KCNQ1: variants seen among roughly 807,000 people sequenced by gnomAD.
KCNQ1 encodes the protein potassium voltage-gated channel subfamily Q member 1.
KCNQ1 carries 49 observed loss-of-function variants against 72.4 expected under a neutral mutation model. The observed-to-expected ratio is 0.68, with a 90% confidence interval of 0.54 to 0.86. The LOEUF is 0.86. KCNQ1 is among the 40% of genes least tolerant of loss of function. The probability of loss-of-function intolerance (pLI) is 0.00; values close to 1 mark genes in which losing one functional copy is unlikely to be tolerated. For missense variants in KCNQ1, 790 were observed against 945.1 expected, an observed-to-expected ratio of 0.84 and a Z score of 2.15; for synonymous variants, 450 against 412.6, an observed-to-expected ratio of 1.09 and a Z score of -1.10.
rs12577654 is a variant in KCNQ1, at chr11:2,662,099, C to T, written c.1514+18C>T. ...ATCTCACAGTGAGTGCCTACATGTGCGTGAAGGGCTGGGCTGGAGGGGACT... is the reference window on the plus strand; with the variant it reads ...ATCTCACAGTGAGTGCCTACATGTGTGTGAAGGGCTGGGCTGGAGGGGACT... On this transcript the variant is annotated intron_variant, in intron 11 of 15. Coordinates refer to ENST00000155840, the MANE Select transcript of KCNQ1 (RefSeq NM_000218.3). 4.6e-3 allele frequency: 7,347 copies of T among 1,614,068 alleles called. 179 individuals carry two copies. The highest frequency in any genetic ancestry group is 0.045 in the South Asian group (4,082 of 91,082).
chr11:2,607,437 TGGGAAGTGGTTAGGTCATGA>T (rs1449208376), intron 10 of KCNQ1, among the ~76,000 whole-genome samples: 1 of 152,200 alleles, frequency 6.6e-6, no homozygotes, highest in Non-Finnish European at 1.5e-5. Context: ...GTGAGGCCTT[TGGGAAGTGGTTAGGTCATGA>T]GGGTGGAGAC....
chr11:2,800,330 G>C (rs575827981), intron 15 of KCNQ1, among the ~76,000 whole-genome samples: 2 of 152,354 alleles, frequency 1.3e-5, no homozygotes, highest in African/African-American at 4.8e-5. Context: ...GCTTCCTACT[G>C]GGCAGAGGCT....
intron 10 of KCNQ1, chr11:2,618,060 T>C: frequency 2.5e-6 from 1 of 398,594 alleles, no homozygotes; most frequent in Non-Finnish European, 4.4e-6. Context: ...TTATTTGTTT[T>C]TGTAGCCTGA....
chr11:2,574,038 A>G (rs1178898442), intron 6 of KCNQ1, among the ~76,000 whole-genome samples: 2 of 152,150 alleles, frequency 1.3e-5, no homozygotes, highest in African/African-American at 4.8e-5. Context: ...CTCCAGTGAA[A>G]GTCGGCGTTT....
intron 15 of KCNQ1, among the ~76,000 whole-genome samples, chr11:2,797,980 G>T (rs1847172848): frequency 6.6e-6 from 1 of 152,178 alleles, no homozygotes; most frequent in Non-Finnish European, 1.5e-5. Context: ...GGCAGATGCA[G>T]CCCCTTTCCA....
intron 10 of KCNQ1, chr11:2,619,635 T>C (rs992621221): frequency 1.3e-5 from 5 of 398,478 alleles, no homozygotes; most frequent in African/African-American, 2.1e-5. Flanking sequence ...CCTTTTCTTG[T>C]GATGCCTTTG....
At position 2,752,705 on chromosome 11, in the gene KCNQ1, C is replaced by G. The variant is rs1208236618; in HGVS notation, c.1515-16139C>G. Among the ~76,000 whole-genome samples, 1 of 152,196 alleles carries G rather than the reference C, an allele frequency of 6.6e-6. No individual in the cohort carries two copies. The highest frequency in any genetic ancestry group is 2.4e-5 in the African/African-American group (1 of 41,460). ...CTCTGCCCTCACGGCCGAATCACCT[C>G]TCAAATGCGCCATCTCCTAACACCA... is the stretch of plus-strand genomic sequence containing the variant. On this transcript the variant is annotated intron_variant, in intron 11 of 15. Coordinates refer to ENST00000155840, the MANE Select transcript of KCNQ1 (RefSeq NM_000218.3). This position sits in a 1 kb window ranked among gnomAD's most constrained non-coding sequence, Gnocchi z 5.2.
chr11:2,706,815 G>A (rs745410680), intron 11 of KCNQ1, among the ~76,000 whole-genome samples: 2 of 152,182 alleles, frequency 1.3e-5, no homozygotes, highest in African/African-American at 2.4e-5. Flanking sequence ...TAGGCTCCTC[G>A]TGAGAACCAC....
Position 2,724,937 on chromosome 11 carries a change from G to C in KCNQ1, c.1515-43907G>C, listed in dbSNP as rs909041213. On this transcript the variant is annotated intron_variant, in intron 11 of 15. Coordinates refer to ENST00000155840, the MANE Select transcript of KCNQ1 (RefSeq NM_000218.3). This position sits in a 1 kb window ranked among gnomAD's most constrained non-coding sequence, Gnocchi z 6.8. ...ATGACTGATCCAGTAACCTGGACAG[G>C]GTGCCGAGGGCAGGGTCTGGTGTGG... Among the ~76,000 whole-genome samples, 1 of 152,208 alleles carries C rather than the reference G, an allele frequency of 6.6e-6. No homozygotes were observed. Among genetic ancestry groups the C allele is most frequent in the Non-Finnish European group, 1.5e-5 (1 of 68,030 alleles).
chr11:2,694,057 G>A (rs911856982), intron 11 of KCNQ1: 17 of 398,538 alleles, frequency 4.3e-5, no homozygotes, highest in East Asian at 3.9e-4. Context: ...GCTGAGGGAC[G>A]GCAGCTGACA....
rs1197822951 is a variant in KCNQ1, at chr11:2,446,088, C to A, written c.386+604C>A. Among the ~76,000 whole-genome samples the A allele has an allele frequency of 6.6e-6, 1 of 152,192 alleles. No homozygotes were observed. The highest frequency in any genetic ancestry group is 2.4e-5 in the African/African-American group (1 of 41,452). Reference sequence around the variant, plus strand: ...TGGCTTGATGCAGAGAGCGGAGAGGCACGTTTGCAGCTCTCACTAAGAGGC... The same window carrying A: ...TGGCTTGATGCAGAGAGCGGAGAGGAACGTTTGCAGCTCTCACTAAGAGGC... On this transcript the variant is annotated intron_variant, in intron 1 of 15. Transcript: ENST00000155840. This position sits in a 1 kb window ranked among gnomAD's most constrained non-coding sequence, Gnocchi z 8.8.
Position 2,663,236 on chromosome 11 carries a change from C to T in KCNQ1, c.1514+1155C>T, listed in dbSNP as rs1284197874. The T allele has an allele frequency of 2.5e-6, 1 of 398,558 alleles. No homozygotes were observed. Among genetic ancestry groups the T allele is most frequent in the East Asian group, 3.6e-5 (1 of 28,086 alleles). The allele number at this position is 398,558 out of a possible 1,614,324, so 24.7% of individuals were successfully genotyped here. A position where few individuals can be genotyped will look rare whatever the true frequency, so the allele number is the denominator to read the frequency against. On this transcript the variant is annotated intron_variant, in intron 11 of 15. Transcript: ENST00000155840. The surrounding 1 kb of genome is among the most constrained non-coding windows in gnomAD (Gnocchi z 5.2). ...AGAGGCTCCAAGGGAGCCAGCAGAT[C>T]ACTGGAAAGCAGGGGTGACTAGTCA... is the stretch of plus-strand genomic sequence containing the variant.
Position 2,670,536 on chromosome 11 carries a change from A to G in KCNQ1, c.1514+8455A>G, listed in dbSNP as rs1850164500. Reference sequence around the variant, plus strand: ...CACAGAAGGGGAAATTGAAGCCTCAAGAAGGATAGGGACTTGCCAGTATCA... The same window carrying G: ...CACAGAAGGGGAAATTGAAGCCTCAGGAAGGATAGGGACTTGCCAGTATCA... On this transcript the variant is annotated intron_variant, in intron 11 of 15. Transcript: ENST00000155840. The surrounding 1 kb of genome is among the most constrained non-coding windows in gnomAD (Gnocchi z 4.9). 4 of 397,934 alleles carry G rather than the reference A, an allele frequency of 1.0e-5. No homozygotes were observed. Among genetic ancestry groups the G allele is most frequent in the Non-Finnish European group, 1.8e-5 (4 of 225,986 alleles). 24.7% of individuals were successfully genotyped at this position (397,934 alleles called of 1,614,324 possible). A position where few individuals can be genotyped will look rare whatever the true frequency, so the allele number is the denominator to read the frequency against.
Position 2,626,053 on chromosome 11 carries a change from GTTTTAC to G in KCNQ1, c.1394-35902_1394-35897del, listed in dbSNP as rs1278997381. ...AATGTAAATTTTTAAAATTTATCTAGTTTTACTTTTATTGCCTGTGCAAGTACAATT... is the reference window on the plus strand; with the variant it reads ...AATGTAAATTTTTAAAATTTATCTAGTTTTATTGCCTGTGCAAGTACAATT... On this transcript the variant is annotated intron_variant, in intron 10 of 15. Coordinates refer to ENST00000155840, the MANE Select transcript of KCNQ1 (RefSeq NM_000218.3). This position sits in a 1 kb window ranked among gnomAD's most constrained non-coding sequence, Gnocchi z 4.0. 2 of 398,430 alleles carry G rather than the reference GTTTTAC, an allele frequency of 5.0e-6. No homozygotes were observed. Among genetic ancestry groups the G allele is most frequent in the Non-Finnish European group, 8.8e-6 (2 of 226,054 alleles). The allele number at this position is 398,430 out of a possible 1,614,324, so 24.7% of individuals were successfully genotyped here.
At chr11:2,629,463 G>T (rs1849316771) in intron 10 of KCNQ1, 1 of 398,262 alleles carries the variant, frequency 2.5e-6, no homozygotes, top group African/African-American at 2.1e-5. Flanking sequence ...ATAGTTTTAG[G>T]TCTTACATTT....
intron 15 of KCNQ1, among the ~76,000 whole-genome samples, chr11:2,845,001 GCAC>G (rs1564915137): frequency 6.6e-6 from 1 of 152,208 alleles, no homozygotes; most frequent in Admixed American, 6.5e-5. Flanking sequence ...CACGCTGGCT[GCAC>G]CTTTGATCTG....
rs1260426317 is a variant in KCNQ1, at chr11:2,593,279, T to C, written c.1393+4425T>C. Among the ~76,000 whole-genome samples the C allele has an allele frequency of 1.3e-5, 2 of 152,022 alleles. No individual in the cohort carries two copies. The highest frequency in any genetic ancestry group is 2.9e-5 in the Non-Finnish European group (2 of 67,994). On this transcript the variant is annotated intron_variant, in intron 10 of 15. Transcript: ENST00000155840. The surrounding 1 kb of genome is among the most constrained non-coding windows in gnomAD (Gnocchi z 6.9). ...GGAGGCCAGAGGAGACTTCCCCAAA[T>C]TCACTGGTCCTGGAGGCCGCCTCAG...
Position 2,711,931 on chromosome 11 carries a change from A to T in KCNQ1, c.1514+49850A>T, listed in dbSNP as rs1238110761. On this transcript the variant is annotated intron_variant, in intron 11 of 15. Coordinates refer to ENST00000155840, the MANE Select transcript of KCNQ1 (RefSeq NM_000218.3). This position sits in a 1 kb window ranked among gnomAD's most constrained non-coding sequence, Gnocchi z 5.4. ...AGGTGGCAGGTGGCTGGGGCTGCTCACCTGCTCACCTGTGTCCATCCCCTT... is the reference window on the plus strand; with the variant it reads ...AGGTGGCAGGTGGCTGGGGCTGCTCTCCTGCTCACCTGTGTCCATCCCCTT... Among the ~76,000 whole-genome samples the T allele has an allele frequency of 6.6e-6, 1 of 151,996 alleles. No homozygotes were observed. The highest frequency in any genetic ancestry group is 1.5e-5 in the Non-Finnish European group (1 of 67,974).
At position 2,658,213 on chromosome 11, in the gene KCNQ1, A is replaced by G; in HGVS notation, c.1394-3748A>G. 2.5e-6 allele frequency: 1 copy of G among 398,614 alleles called. No individual in the cohort carries two copies. The highest frequency in any genetic ancestry group is 4.4e-6 in the Non-Finnish European group (1 of 226,044). 24.7% of individuals were successfully genotyped at this position (398,614 alleles called of 1,614,324 possible). On this transcript the variant is annotated intron_variant, in intron 10 of 15. Transcript: ENST00000155840. This position sits in a 1 kb window ranked among gnomAD's most constrained non-coding sequence, Gnocchi z 4.9. ...GTTTCACTAACTAATTTCAGCATTC[A>G]TTCATGGATCGTTTTCCTGCAGCAA...
Sources: allele counts gnomAD v4.1 joint callset (sites outside exome capture counted in the v4.1 genomes callset), GRCh38; gene constraint gnomAD v4.1.1; non-coding constraint Gnocchi (gnomAD v3.1); transcripts MANE v1.5; gene names NCBI Gene and HGNC (gene_info 2026-07-23, HGNC 2026-07-21).